The following SF3B2 variants were observed in gnomAD, a reference collection of about 807,000 sequenced individuals.
SF3B2 encodes splicing factor 3b subunit 2, also known as SAP 145.
SF3B2 carries 22 observed loss-of-function variants against 116.3 expected under a neutral mutation model. The observed-to-expected ratio is 0.19, with a 90% confidence interval of 0.14 to 0.27. The LOEUF is 0.27. Among genes scored for constraint, SF3B2 ranks in the 10% least tolerant of loss-of-function variants. The probability of loss-of-function intolerance (pLI) is 1.00; values close to 1 mark genes in which losing one functional copy is unlikely to be tolerated. For synonymous variants in SF3B2, 406 were observed against 421.6 expected (o/e 0.96, Z 0.45); for missense variants, 767 against 1,151.4 (o/e 0.67, Z 4.83).
At position 66,061,983 on chromosome 11, in the gene SF3B2, C is replaced by G. The variant is rs777871983; in HGVS notation, c.1962C>G (p.Asn654Lys). ...SYPNLKIPGL[N>K]SPIPESCSFG... ...CCAACCTGAAAATCCCTGGGCTGAA[C>G]TCGCCCATCCCTGAGGTGAGCATTG... Residue 654 changes from asparagine to lysine, a missense_variant, in exon 16 of 22, where the codon AAC (asparagine) becomes AAG (lysine). By Grantham distance (94) the Asn-to-Lys change is moderately conservative. Transcript: ENST00000322535. The G allele has an allele frequency of 3.7e-6, 6 of 1,612,154 alleles. No individual in the cohort carries two copies. The highest frequency in any genetic ancestry group is 5.1e-6 in the Non-Finnish European group (6 of 1,178,854).
At chr11:66,063,808 C>T (rs1857135884) in intron 19 of SF3B2, 79 bp downstream of exon 19, 1 of 1,168,108 alleles carries the variant, frequency 8.6e-7, no homozygotes, top group African/African-American at 1.5e-5. Flanking sequence ...TTCCTTTCTC[C>T]CTCATCCTTT....
Position 66,069,068 on chromosome 11 carries a change from GT to G in SF3B2, c.*326del. ...ACGCCAACCCCAGGCTGAAATCTGT[GT>G]TTCACCACTGCCCTGCTTTGTAGGA... On this transcript the variant is annotated 3_prime_UTR_variant, in exon 22 of 22. Coordinates refer to ENST00000322535, the MANE Select transcript of SF3B2 (RefSeq NM_006842.3). 1 of 390,840 alleles carries G rather than the reference GT, an allele frequency of 2.6e-6. No individual in the cohort carries two copies. Among genetic ancestry groups the G allele is most frequent in the Non-Finnish European group, 4.9e-6 (1 of 204,230 alleles). 24.2% of individuals were successfully genotyped at this position (390,840 alleles called of 1,614,324 possible). A position where few individuals can be genotyped will look rare whatever the true frequency, so the allele number is the denominator to read the frequency against.
chr11:66,052,457 G>A lies in SF3B2; in HGVS notation c.73G>A (p.Gly25Ser). The A allele has an allele frequency of 1.2e-6, 2 of 1,613,752 alleles. No homozygotes were observed. The highest frequency in any genetic ancestry group is 1.7e-6 in the Non-Finnish European group (2 of 1,179,908). Reference protein sequence around the residue: ...LPPPPPPGHYGAWAAQELQAK... With the variant: ...LPPPPPPGHYSAWAAQELQAK... ...GCCGCCGCCACCTCCAGGCCACTAT[G>A]GCGCCTGGGCTGCCCAGGAGCTTCA... The change falls in exon 1 of 22, where the codon GGC (glycine) becomes AGC (serine). Residue 25 changes from glycine (G) to serine (S), a missense_variant. Physicochemically the swap from Gly to Ser is moderately conservative, Grantham distance 56. Around this residue, in one of 4 missense-constraint regions of SF3B2, gnomAD observed 455 missense variants for 537.5 expected, o/e 0.85. Transcript: ENST00000322535.
rs1016155229 is a variant in SF3B2 at position 66,069,243 on chromosome 11, G to A, written c.*498G>A. ...AGGGCAGGCCTTCCCAACTGACCTT[G>A]TGACCAGAAGTTCAAGTCCTTACCT... On this transcript the variant is annotated 3_prime_UTR_variant, in exon 22 of 22. Coordinates refer to ENST00000322535, the MANE Select transcript of SF3B2 (RefSeq NM_006842.3). 2.3e-5 allele frequency: 9 copies of A among 384,660 alleles called. No homozygotes were observed. In the Admixed American group the frequency reaches 2.5e-4, roughly 10 times the overall value. 23.8% of individuals were successfully genotyped at this position (384,660 alleles called of 1,614,324 possible). A position where few individuals can be genotyped will look rare whatever the true frequency, so the allele number is the denominator to read the frequency against.
At chr11:66,054,935 T>C in intron 3 of SF3B2, 141 bp from the exon 4 acceptor site, 1 of 756,184 alleles carries the variant, frequency 1.3e-6, no homozygotes. Flanking sequence ...TATAGAGCTG[T>C]GGAGCATTCT....
rs549352627 is a variant in SF3B2 at position 66,058,637 on chromosome 11, G to A, written c.967-193G>A. ...TGAGACGCACAGTAATTTACCCAAA[G>A]GCATACAGCTTGTGAGTGGCAGAAC... On this transcript the variant is annotated intron_variant, in intron 9 of 21. Transcript: ENST00000322535. The A allele has an allele frequency of 3.0e-5, 19 of 636,882 alleles. No homozygotes were observed. The African/African-American group carries it at 3.5e-4, about 12-fold the overall frequency. 39.5% of individuals were successfully genotyped at this position (636,882 alleles called of 1,614,324 possible).
chr11:66,067,578 G>T, intron 19 of SF3B2: 1 of 463,378 alleles, frequency 2.2e-6, no homozygotes, highest in South Asian at 1.5e-5. Context: ...CTCCAGGCAT[G>T]ACATTCTTCG....
chr11:66,064,491 A>G (rs976705100), intron 19 of SF3B2: 1 of 152,172 alleles, frequency 6.6e-6, no homozygotes, highest in Non-Finnish European at 1.5e-5. Flanking sequence ...ACTTTTACAT[A>G]TGTTATAAAT....
chr11:66,060,327 A>C (rs1857079512), intron 13 of SF3B2, among the ~76,000 whole-genome samples: 1 of 152,202 alleles, frequency 6.6e-6, no homozygotes, highest in South Asian at 2.1e-4. Flanking sequence ...TTTCCAGAGA[A>C]CTGTTGAGAT....
rs1381427116 is a variant in SF3B2 at position 66,055,293 on chromosome 11, A to G, written c.476A>G (p.Gln159Arg). 6.2e-7 allele frequency: 1 copy of G among 1,613,002 alleles called. No homozygotes were observed. The highest frequency in any genetic ancestry group is 8.5e-7 in the Non-Finnish European group (1 of 1,179,748). Residue 159 changes from glutamine to arginine, a missense_variant, in exon 4 of 22, where the codon CAG becomes CGG. Gln to Arg is a conservative substitution (Grantham distance 43, BLOSUM62 1). Around this residue, in one of 4 missense-constraint regions of SF3B2, gnomAD observed 455 missense variants for 537.5 expected, o/e 0.85. Transcript: ENST00000322535. ...LAQQQAALLM[Q>R]QEERAKQQGD... is the part of the protein sequence containing the mutation. ...CAGCAGCAGGCGGCATTGCTGATGC[A>G]GCAGGAGGAGCGTGCCAAGCAGGTA... is the stretch of plus-strand genomic sequence containing the variant.
In SF3B2 at chr11:66,058,866, A is replaced by G. The variant is rs779311391; in HGVS notation, c.1003A>G (p.Lys335Glu). ...GCGTAGGAACCGAAAGAAGAAGAAA[A>G]AGCCCCAGCGGGTGCGAGGGGTGTC... ...RKRRNRKKKK[K>E]PQRVRGVSSE... is the part of the protein sequence containing the mutation. The change falls in exon 10 of 22, where the codon AAG becomes GAG. Residue 335 changes from lysine to glutamate, a missense_variant. Around this residue, in one of 4 missense-constraint regions of SF3B2, gnomAD observed 455 missense variants for 537.5 expected, o/e 0.85. Transcript: ENST00000322535. 6.2e-7 allele frequency: 1 copy of G among 1,612,626 alleles called. No individual in the cohort carries two copies. Among genetic ancestry groups the G allele is most frequent in the South Asian group, 1.1e-5 (1 of 90,974 alleles).
chr11:66,060,788 GC>G (rs532559675), intron 14 of SF3B2, 57 bp downstream of exon 14: 23 of 1,552,384 alleles, frequency 1.5e-5, no homozygotes, highest in Non-Finnish European at 1.9e-5. Flanking sequence ...ACTGTCTAGG[GC>G]TTTTTTTTGT....
chr11:66,059,117 G>A lies in SF3B2; in HGVS notation c.1182+72G>A, dbSNP rs1003962373. 1.1e-5 allele frequency: 17 copies of A among 1,607,890 alleles called. No homozygotes were observed. Among genetic ancestry groups the A allele is most frequent in the African/African-American group, 2.7e-5 (2 of 74,578 alleles). ...GGCTCAGAGGTGGGTGAGAGGCAGC[G>A]GTGAACAGGCATCTTTTAGTGCTGG... On this transcript the variant is annotated intron_variant, in intron 10 of 21. Coordinates refer to ENST00000322535, the MANE Select transcript of SF3B2 (RefSeq NM_006842.3). This position sits in a 1 kb window ranked among gnomAD's most constrained non-coding sequence, Gnocchi z 5.0.
Position 66,054,179 on chromosome 11 carries a change from CA to C in SF3B2, c.259-883del, listed in dbSNP as rs34155501. On this transcript the variant is annotated intron_variant, in intron 3 of 21. Coordinates refer to ENST00000322535, the MANE Select transcript of SF3B2 (RefSeq NM_006842.3). Reference sequence around the variant, plus strand: ...CCTGGGCAATAGAGCGAGACTGTCTCAAAAAAAAAAAAAAGAGGCAGGGCAT... The same window carrying C: ...CCTGGGCAATAGAGCGAGACTGTCTCAAAAAAAAAAAAAGAGGCAGGGCAT... 9.9e-3 allele frequency among the ~76,000 whole-genome samples: 1,041 copies of C among 105,418 alleles called. 1 individual carries two copies. The highest frequency in any genetic ancestry group is 0.012 in the African/African-American group (327 of 27,882). The allele number at this position is 105,418 out of a possible 152,430, so 69.2% of individuals were successfully genotyped here.
rs1222358958 is a variant in SF3B2 at position 66,068,758 on chromosome 11, T to C, written c.*13T>C. ...GTTCAAGTTTTAGGTCCCCTCACACTAGCCCTTTTTTTGGCCCTACGTCTG... is the reference window on the plus strand; with the variant it reads ...GTTCAAGTTTTAGGTCCCCTCACACCAGCCCTTTTTTTGGCCCTACGTCTG... On this transcript the variant is annotated 3_prime_UTR_variant, in exon 22 of 22. Coordinates refer to ENST00000322535, the MANE Select transcript of SF3B2 (RefSeq NM_006842.3). The C allele has an allele frequency of 1.9e-6, 3 of 1,612,150 alleles. No individual in the cohort carries two copies. The highest frequency in any genetic ancestry group is 3.3e-5 in the Admixed American group (2 of 59,814).
chr11:66,059,110 AG>A lies in SF3B2; in HGVS notation c.1182+67del. On this transcript the variant is annotated intron_variant, in intron 10 of 21. Coordinates refer to ENST00000322535, the MANE Select transcript of SF3B2 (RefSeq NM_006842.3). The surrounding 1 kb of genome is among the most constrained non-coding windows in gnomAD (Gnocchi z 5.0). ...GGGAAGGGGCTCAGAGGTGGGTGAG[AG>A]GCAGCGGTGAACAGGCATCTTTTAG... 6.2e-7 allele frequency: 1 copy of A among 1,608,226 alleles called. No homozygotes were observed. The highest frequency in any genetic ancestry group is 8.5e-7 in the Non-Finnish European group (1 of 1,175,792).
intron 13 of SF3B2, among the ~76,000 whole-genome samples, chr11:66,060,341 T>C (rs1857079785): frequency 6.6e-6 from 1 of 152,246 alleles, no homozygotes; most frequent in South Asian, 2.1e-4. Context: ...TTGAGATTCA[T>C]CTCTTGATGA....
At chr11:66,063,335 A>C (rs1459024702) in intron 17 of SF3B2, 65 bp from the exon 18 acceptor site, 2 of 1,510,954 alleles carry the variant, frequency 1.3e-6, no homozygotes, top group Non-Finnish European at 1.8e-6. Flanking sequence ...CTTCAGCTTA[A>C]AACAGCCTGG....
chr11:66,062,778 G>A (rs897548167), intron 16 of SF3B2, among the ~76,000 whole-genome samples: 3 of 152,220 alleles, frequency 2.0e-5, no homozygotes, highest in Admixed American at 1.3e-4. Context: ...TGCCATGACA[G>A]AAGTTATTAG....
Sources: gnomAD v4.1 joint callset for allele counts (sites outside exome capture counted in the v4.1 genomes callset) on GRCh38, gnomAD v4.1.1 for gene constraint, gnomAD v4.1.1 regional missense constraint, Gnocchi (gnomAD v3.1) non-coding constraint, MANE v1.5 for transcripts, NCBI Gene and HGNC (gene_info 2026-07-23, HGNC 2026-07-21) for gene names.